CPEB3: variants seen among roughly 807,000 people sequenced by gnomAD.
CPEB3 encodes the protein cytoplasmic polyadenylation element-binding protein 3.
In CPEB3, 20 loss-of-function variants were observed where a neutral mutation model predicts 67.2. The observed-to-expected ratio is 0.30, with a 90% CI of 0.21 to 0.43. CPEB3 has a LOEUF of 0.43. CPEB3 is among the 20% of genes least tolerant of loss of function. CPEB3 has a pLI of 1.00. For missense variants in CPEB3, 746 were observed against 968.6 expected, an observed-to-expected ratio of 0.77 and a Z score of 3.05; for synonymous variants, 376 against 393.1, an observed-to-expected ratio of 0.96 and a Z score of 0.51.
At chr10:92,114,467 AG>A (rs1441705322) in intron 6 of CPEB3, among the ~76,000 whole-genome samples, 1 of 152,238 alleles carries the variant, frequency 6.6e-6, no homozygotes, top group Non-Finnish European at 1.5e-5. Flanking sequence ...ACATGGTACT[AG>A]GAAGTGTTCT....
rs981304560 is a variant in CPEB3 at position 92,048,048 on chromosome 10, T to G, written c.*4164A>C. The G allele has an allele frequency of 1.3e-5, 2 of 152,486 alleles. No individual in the cohort carries two copies. The highest frequency in any genetic ancestry group is 4.1e-4 in the South Asian group (2 of 4,822). The allele number at this position is 152,486 out of a possible 1,614,324, so 9.4% of individuals were successfully genotyped here. A position where few individuals can be genotyped will look rare whatever the true frequency, so the allele number is the denominator to read the frequency against. On this transcript the variant is annotated 3_prime_UTR_variant, in exon 10 of 10. Coordinates refer to ENST00000265997, the MANE Select transcript of CPEB3 (RefSeq NM_014912.5). This position sits in a 1 kb window ranked among gnomAD's most constrained non-coding sequence, Gnocchi z 4.1. ...AAAGGCAGACAGATCATGCACGCAGTTGCCACAATGAAAGGCAAGGGGCAC... is the reference window on the plus strand; with the variant it reads ...AAAGGCAGACAGATCATGCACGCAGGTGCCACAATGAAAGGCAAGGGGCAC...
At chr10:92,180,212 C>T (rs1848401741) in intron 4 of CPEB3, among the ~76,000 whole-genome samples, 3 of 152,096 alleles carry the variant, frequency 2.0e-5, no homozygotes, top group Admixed American at 2.0e-4. Context: ...GTTTTTGCTG[C>T]TTTAGAACTT....
At chr10:92,084,682 C>A (rs1318738466) in intron 8 of CPEB3, among the ~76,000 whole-genome samples, 1 of 152,104 alleles carries the variant, frequency 6.6e-6, no homozygotes, top group Non-Finnish European at 1.5e-5. Context: ...TGGGTTCACA[C>A]CATTCTTCTG....
intron 3 of CPEB3, among the ~76,000 whole-genome samples, chr10:92,186,804 T>C (rs1194092811): frequency 3.9e-5 from 6 of 152,172 alleles, no homozygotes; most frequent in Non-Finnish European, 5.9e-5. Flanking sequence ...AGGGTACTTA[T>C]ACAAATCACT....
At chr10:92,183,149 T>C (rs1848537220) in intron 3 of CPEB3, among the ~76,000 whole-genome samples, 1 of 152,230 alleles carries the variant, frequency 6.6e-6, no homozygotes, top group African/African-American at 2.4e-5. Context: ...GATCATGTTT[T>C]CTATTAAAAA....
intron 1 of CPEB3, among the ~76,000 whole-genome samples, chr10:92,249,643 CAAAAATAAAAATA>C (rs534792422): frequency 0.015 from 2,000 of 133,690 alleles, 46 homozygotes; most frequent in African/African-American, 0.053. Flanking sequence ...GTGAGACTCT[CAAAAATAAAAATA>C]AAAAATAAAA....
At chr10:92,103,329 C>A (rs1844284322) in intron 7 of CPEB3, among the ~76,000 whole-genome samples, 1 of 152,180 alleles carries the variant, frequency 6.6e-6, no homozygotes, top group Non-Finnish European at 1.5e-5. Context: ...AAAGAAAAAG[C>A]ACTTTTGAGC....
At chr10:92,181,225 A>T (rs1232106398) in intron 3 of CPEB3, among the ~76,000 whole-genome samples, 2 of 151,924 alleles carry the variant, frequency 1.3e-5, no homozygotes, top group Non-Finnish European at 2.9e-5. Context: ...CAACAAATAA[A>T]TAAAAAAAAA....
intron 2 of CPEB3, among the ~76,000 whole-genome samples, chr10:92,234,210 T>G (rs1287269518): frequency 2.6e-5 from 4 of 152,088 alleles, no homozygotes; most frequent in African/African-American, 4.8e-5. Context: ...CCAGGCAATC[T>G]GCTGCTAAAG....
chr10:92,062,869 G>A (rs759289666), intron 9 of CPEB3, among the ~76,000 whole-genome samples: 12 of 152,316 alleles, frequency 7.9e-5, no homozygotes, highest in South Asian at 2.1e-4. Context: ...TGATCAGATC[G>A]TTAAGCTGAA....
At chr10:92,128,267 A>G (rs1204212362) in intron 6 of CPEB3, among the ~76,000 whole-genome samples, 2 of 152,236 alleles carry the variant, frequency 1.3e-5, no homozygotes, top group East Asian at 3.8e-4. Context: ...CCACACTTGA[A>G]GAAGAATTGT....
At chr10:92,070,853 T>A (rs1590071013) in intron 9 of CPEB3, among the ~76,000 whole-genome samples, 1 of 144,602 alleles carries the variant, frequency 6.9e-6, no homozygotes, top group South Asian at 2.2e-4. Flanking sequence ...GTGACAGGTT[T>A]AAAAAAAAAA....
At position 92,081,517 on chromosome 10, in the gene CPEB3, A is replaced by G. The variant is rs368015900; in HGVS notation, c.1688-16T>C. The G allele has an allele frequency of 1.2e-4, 190 of 1,600,074 alleles. 1 individual carries two copies. In the Middle Eastern group the frequency reaches 2.0e-3, roughly 17 times the overall value. On this transcript the variant is annotated splice_polypyrimidine_tract_variant and intron_variant, in intron 8 of 9. Coordinates refer to ENST00000265997, the MANE Select transcript of CPEB3 (RefSeq NM_014912.5). ...GCCAGTTCAACTGCAAAAAAAAAAC[A>G]AAACATGGATGTGTATAAATATCTG...
intron 5 of CPEB3, 92 bp downstream of exon 5, chr10:92,144,853 T>A: frequency 8.9e-7 from 1 of 1,118,068 alleles, no homozygotes; most frequent in Non-Finnish European, 1.3e-6. Context: ...AAGATATAGA[T>A]GTCCTAAAGT....
intron 9 of CPEB3, among the ~76,000 whole-genome samples, chr10:92,079,059 G>A (rs1344920844): frequency 6.6e-6 from 1 of 152,020 alleles, no homozygotes; most frequent in Non-Finnish European, 1.5e-5. Flanking sequence ...GGCTTTAGAG[G>A]AGAAAAAAGA....
rs77682852 is a variant in CPEB3 at position 92,285,657 on chromosome 10, T to A, written c.-12+5269A>T. ...TCATATTTTCCGCTTACATAACAGA[T>A]CTATAGTTCAAGTTATAAAGGATAA... On this transcript the variant is annotated intron_variant, in intron 1 of 9. Coordinates refer to ENST00000265997, the MANE Select transcript of CPEB3 (RefSeq NM_014912.5). Among the ~76,000 whole-genome samples the A allele has an allele frequency of 7.0e-4, 106 of 152,296 alleles. 2 individuals carry two copies. The East Asian group carries it at 0.019, about 28-fold the overall frequency.
intron 9 of CPEB3, among the ~76,000 whole-genome samples, chr10:92,076,893 G>T (rs2133180174): frequency 6.6e-6 from 1 of 151,550 alleles, no homozygotes; most frequent in East Asian, 1.9e-4. Flanking sequence ...GGAAGGAAGA[G>T]GAAGGAAGGA....
chr10:92,095,218 A>T (rs1242553599), intron 7 of CPEB3, among the ~76,000 whole-genome samples: 3 of 152,102 alleles, frequency 2.0e-5, no homozygotes, highest in Non-Finnish European at 4.4e-5. Flanking sequence ...TATTCTTGGC[A>T]TTGCAGATTA....
intron 1 of CPEB3, among the ~76,000 whole-genome samples, chr10:92,288,201 T>C (rs562186358): frequency 8.5e-5 from 13 of 152,236 alleles, no homozygotes; most frequent in Admixed American, 2.0e-4. Context: ...GGCTCATGCC[T>C]GTAATCCTAG....
Sources: allele counts gnomAD v4.1 joint callset (sites outside exome capture counted in the v4.1 genomes callset), GRCh38; gene constraint gnomAD v4.1.1; non-coding constraint Gnocchi (gnomAD v3.1); transcripts MANE v1.5; gene names NCBI Gene and HGNC (gene_info 2026-07-23, HGNC 2026-07-21).